Variants in RAB3IL1 observed in about 807,000 individuals in gnomAD.
RAB3IL1 encodes the protein RAB3A interacting protein like 1.
A neutral mutation model predicts 49.2 loss-of-function variants in RAB3IL1; 37 were observed. The observed-to-expected ratio is 0.75, with a 90% CI of 0.58 to 0.99. RAB3IL1 has a LOEUF of 0.99. RAB3IL1 is among the 50% of genes least tolerant of loss of function. RAB3IL1 has a pLI of 0.00. For synonymous variants in RAB3IL1, 193 were observed against 213.9 expected (o/e 0.90, Z 0.85); for missense variants, 484 against 513.0 (o/e 0.94, Z 0.55).
the RAB3IL1 span, among the ~76,000 whole-genome samples, chr11:61,936,600 C>T: frequency 6.6e-6 from 1 of 152,320 alleles, no homozygotes; most frequent in African/African-American, 2.4e-5. Flanking sequence ...CCTCGACCTC[C>T]CAAAGTGCTG....
the RAB3IL1 span, among the ~76,000 whole-genome samples, chr11:61,945,530 A>G: frequency 1.3e-5 from 2 of 152,188 alleles, no homozygotes; most frequent in African/African-American, 4.8e-5. Context: ...TGTCTGCAAA[A>G]TGAGCAGCTG....
the RAB3IL1 span, among the ~76,000 whole-genome samples, chr11:61,930,733 A>C: frequency 1.3e-5 from 2 of 152,228 alleles, no homozygotes; most frequent in South Asian, 4.1e-4. Flanking sequence ...AGCTGTGATC[A>C]TGCCACTGCA....
At chr11:61,942,039 C>T in the RAB3IL1 span, among the ~76,000 whole-genome samples, 19 of 151,924 alleles carry the variant, frequency 1.3e-4, no homozygotes, top group Non-Finnish European at 1.9e-4. Context: ...GGTGAAACCC[C>T]ACCTCTACTA....
At chr11:61,902,637 A>G in intron 7 of RAB3IL1, 96 bp from the exon 8 acceptor site, 1 of 1,144,096 alleles carries the variant, frequency 8.7e-7, no homozygotes, top group South Asian at 1.4e-5. Flanking sequence ...GAGAGGATGC[A>G]TGGGGAGGGG....
upstream of RAB3IL1, among the ~76,000 whole-genome samples, chr11:61,919,723 C>T (rs188257657): frequency 1.3e-4 from 20 of 152,322 alleles, no homozygotes; most frequent in Non-Finnish European, 7.4e-5. Flanking sequence ...CCTCTATCTC[C>T]CTCTGCCTGC....
intron 1 of RAB3IL1, among the ~76,000 whole-genome samples, chr11:61,916,250 T>A (rs7480956): frequency 0.99 from 150,142 of 151,910 alleles, 74,224 homozygotes; most frequent in East Asian, 1. Flanking sequence ...GGAGGCTGAG[T>A]CAGGCGAATT....
the RAB3IL1 span, among the ~76,000 whole-genome samples, chr11:61,942,746 C>T: frequency 6.8e-4 from 103 of 152,210 alleles, no homozygotes; most frequent in African/African-American, 2.4e-3. Context: ...AAAATAATGC[C>T]ATTTACAAAA....
upstream of RAB3IL1, among the ~76,000 whole-genome samples, chr11:61,918,960 C>A (rs1289318530): frequency 6.6e-6 from 1 of 152,230 alleles, no homozygotes; most frequent in Non-Finnish European, 1.5e-5. Context: ...TCCCCTACCC[C>A]ACCCCCAGCC....
At chr11:61,913,833 C>A (rs910301474) in intron 1 of RAB3IL1, among the ~76,000 whole-genome samples, 1 of 152,178 alleles carries the variant, frequency 6.6e-6, no homozygotes, top group Non-Finnish European at 1.5e-5. Context: ...ATCTCCCTCC[C>A]GCTACCTCAT....
At chr11:61,940,068 C>T in the RAB3IL1 span, among the ~76,000 whole-genome samples, 1 of 152,072 alleles carries the variant, frequency 6.6e-6, no homozygotes, top group Admixed American at 6.5e-5. Context: ...TGCCTTGAGC[C>T]CAGGAGTTCA....
chr11:61,904,519 A>G (rs1209305963), intron 7 of RAB3IL1, 27 bp downstream of exon 7: 37 of 1,571,766 alleles, frequency 2.4e-5, no homozygotes, highest in Non-Finnish European at 3.1e-5. Context: ...CCACATGGGC[A>G]GGAAGGAGCT....
intron 1 of RAB3IL1, among the ~76,000 whole-genome samples, 187 bp downstream of exon 1, chr11:61,917,170 G>A (rs1017604551): frequency 6.6e-6 from 1 of 151,976 alleles, no homozygotes; most frequent in African/African-American, 2.4e-5. Flanking sequence ...CCTGCACCCC[G>A]AGAGACACCC....
intron 1 of RAB3IL1, among the ~76,000 whole-genome samples, chr11:61,916,581 CAGG>C (rs1939700004): frequency 1.3e-5 from 2 of 152,218 alleles, no homozygotes; most frequent in Non-Finnish European, 2.9e-5. Context: ...CCAGGGGGCA[CAGG>C]AGTACAACCT....
intron 1 of RAB3IL1, among the ~76,000 whole-genome samples, chr11:61,914,778 T>C (rs897420843): frequency 6.6e-6 from 1 of 151,994 alleles, no homozygotes; most frequent in African/African-American, 2.4e-5. Context: ...TCTCAGTTCA[T>C]TTCACAGGTG....
intron 1 of RAB3IL1, among the ~76,000 whole-genome samples, chr11:61,908,619 G>A (rs988609532): frequency 9.9e-5 from 15 of 152,218 alleles, no homozygotes; most frequent in African/African-American, 2.2e-4. Context: ...ACAGGTGACT[G>A]TAAATGCATC....
intron 1 of RAB3IL1, among the ~76,000 whole-genome samples, chr11:61,913,427 G>A (rs1240628553): frequency 2.0e-5 from 3 of 152,110 alleles, no homozygotes; most frequent in African/African-American, 7.2e-5. Flanking sequence ...GAGGAGGAGT[G>A]GGGGAGAAGG....
intron 2 of RAB3IL1, 96 bp from the exon 3 acceptor site, chr11:61,907,756 A>G: frequency 8.8e-7 from 1 of 1,140,312 alleles, no homozygotes; most frequent in Non-Finnish European, 1.3e-6. Flanking sequence ...TCCCCTCGTC[A>G]TTTTATGTGG....
intron 7 of RAB3IL1, 128 bp downstream of exon 7, chr11:61,904,418 C>T: frequency 1.0e-6 from 1 of 958,296 alleles, no homozygotes; most frequent in Non-Finnish European, 1.6e-6. Flanking sequence ...CCTCCTTGCC[C>T]TGTGGGGGCA....
the RAB3IL1 span, among the ~76,000 whole-genome samples, chr11:61,942,932 A>G: frequency 3.3e-5 from 5 of 152,224 alleles, no homozygotes; most frequent in Non-Finnish European, 5.9e-5. Context: ...TGTAAAGATG[A>G]CTAAGTGATC....
Sources: allele counts gnomAD v4.1 joint callset (sites outside exome capture counted in the v4.1 genomes callset), GRCh38; gene constraint gnomAD v4.1.1; transcripts MANE v1.5; gene names NCBI Gene and HGNC (gene_info 2026-07-23, HGNC 2026-07-21).